Variants in CCDC146 observed in about 807,000 individuals in gnomAD.
The protein encoded by CCDC146 is coiled-coil domain-containing protein 146.
CCDC146 carries 92 observed loss-of-function variants against 119.3 expected under a neutral mutation model. That is an observed-to-expected ratio of 0.77 (90% confidence interval 0.65 to 0.92). CCDC146 has a LOEUF of 0.92. Among genes scored for constraint, CCDC146 ranks in the 40% least tolerant of loss-of-function variants. The pLI is 0.00. For synonymous variants in CCDC146, 372 were observed against 371.8 expected (o/e 1.00, Z -0.01); for missense variants, 1,000 against 1,103.0 (o/e 0.91, Z 1.32).
intron 2 of CCDC146, among the ~76,000 whole-genome samples, chr7:77,223,146 C>G (rs1792438069): frequency 6.6e-6 from 1 of 152,152 alleles, no homozygotes; most frequent in Non-Finnish European, 1.5e-5. Flanking sequence ...ACCATCTCCC[C>G]CCAGGATCCT....
chr7:77,229,385 C>T (rs1254465027), intron 2 of CCDC146, among the ~76,000 whole-genome samples: 2 of 152,214 alleles, frequency 1.3e-5, no homozygotes, highest in Non-Finnish European at 2.9e-5. Context: ...ATCAGTAAAT[C>T]TTTGCCTGTG....
chr7:77,294,605 A>C, intron 18 of CCDC146, 58 bp from the exon 19 acceptor site: 1 of 1,550,202 alleles, frequency 6.5e-7, no homozygotes, highest in Non-Finnish European at 8.9e-7. Context: ...GGACCTAAGG[A>C]TAAAGTGACT....
At chr7:77,133,083 ATTGC>A (rs1388606252) in intron 1 of CCDC146, among the ~76,000 whole-genome samples, 1 of 151,968 alleles carries the variant, frequency 6.6e-6, no homozygotes. Flanking sequence ...AGGCAGGAGA[ATTGC>A]TTCACCCCAG....
chr7:77,156,940 G>C (rs1346079390), intron 1 of CCDC146, among the ~76,000 whole-genome samples: 1 of 148,516 alleles, frequency 6.7e-6, no homozygotes, highest in Non-Finnish European at 1.5e-5. Context: ...CAGAATTGAA[G>C]GCACTTGTCA....
intron 2 of CCDC146, among the ~76,000 whole-genome samples, chr7:77,228,891 A>G (rs542378425): frequency 2.4e-4 from 37 of 152,308 alleles, no homozygotes; most frequent in South Asian, 1.2e-3. Context: ...GGTTTATTAC[A>G]TAGGTAAATG....
intron 11 of CCDC146, 86 bp from the exon 12 acceptor site, chr7:77,278,666 T>C: frequency 1.1e-6 from 1 of 942,706 alleles, no homozygotes; most frequent in Non-Finnish European, 1.6e-6. Context: ...GCTGGAGAAT[T>C]GTCTTTAATG....
At chr7:77,265,341 A>G (rs1434144355) in intron 9 of CCDC146, among the ~76,000 whole-genome samples, 1 of 152,250 alleles carries the variant, frequency 6.6e-6, no homozygotes, top group Non-Finnish European at 1.5e-5. Flanking sequence ...ACAATGGGAT[A>G]AAATGTATAA....
intron 4 of CCDC146, among the ~76,000 whole-genome samples, chr7:77,246,664 A>G (rs1792957090): frequency 6.6e-6 from 1 of 152,226 alleles, no homozygotes; most frequent in African/African-American, 2.4e-5. Context: ...TGAAAGTGAA[A>G]AATTGGAAGC....
chr7:77,243,359 G>T (rs1209370317), intron 4 of CCDC146, among the ~76,000 whole-genome samples: 1 of 152,190 alleles, frequency 6.6e-6, no homozygotes, highest in Non-Finnish European at 1.5e-5. Flanking sequence ...TATTCTTTTT[G>T]AATTTATAAT....
intron 2 of CCDC146, among the ~76,000 whole-genome samples, chr7:77,171,326 C>G (rs1185140843): frequency 6.6e-6 from 1 of 152,174 alleles, no homozygotes; most frequent in Non-Finnish European, 1.5e-5. Flanking sequence ...AAACACCCGA[C>G]AGCTGCTAAC....
chr7:77,291,431 G>A (rs1248166838), intron 17 of CCDC146, among the ~76,000 whole-genome samples: 1 of 151,368 alleles, frequency 6.6e-6, no homozygotes, highest in East Asian at 1.9e-4. Context: ...AAGTCTGGTC[G>A]CAGTGGCTCA....
chr7:77,286,725 C>T, intron 15 of CCDC146, 73 bp from the exon 16 acceptor site: 1 of 1,515,626 alleles, frequency 6.6e-7, no homozygotes. Context: ...ACTCTCAAGA[C>T]CCTAGGCAAT....
At chr7:77,223,687 T>G (rs1026736860) in intron 2 of CCDC146, among the ~76,000 whole-genome samples, 2 of 152,266 alleles carry the variant, frequency 1.3e-5, no homozygotes, top group African/African-American at 4.8e-5. Context: ...AAACATGAAT[T>G]CTTTTAACTG....
intron 4 of CCDC146, among the ~76,000 whole-genome samples, chr7:77,248,100 A>G (rs1792989246): frequency 1.3e-5 from 2 of 152,266 alleles, no homozygotes; most frequent in Admixed American, 1.3e-4. Context: ...ATTCAGTCAT[A>G]AAATGAAATC....
At chr7:77,171,895 T>G (rs1227663652) in intron 2 of CCDC146, among the ~76,000 whole-genome samples, 1 of 152,242 alleles carries the variant, frequency 6.6e-6, no homozygotes, top group East Asian at 1.9e-4. Flanking sequence ...CAACTTCTCA[T>G]GCATGTTGAT....
intron 2 of CCDC146, chr7:77,198,013 A>G (rs575721663): frequency 8.6e-5 from 36 of 418,082 alleles, no homozygotes; most frequent in Non-Finnish European, 1.1e-4. Flanking sequence ...AGAGCTCAGA[A>G]TATTCAGTTA....
At chr7:77,123,014 G>A (rs2539395) in intron 1 of CCDC146, among the ~76,000 whole-genome samples, 44,307 of 129,122 alleles carry the variant, frequency 0.34, 7,977 homozygotes, top group Middle Eastern at 0.47. Context: ...AAATGTAGAT[G>A]ATAATACCTT....
intron 1 of CCDC146, among the ~76,000 whole-genome samples, chr7:77,158,435 C>T (rs1791208011): frequency 6.6e-6 from 1 of 152,146 alleles, no homozygotes; most frequent in East Asian, 1.9e-4. Flanking sequence ...TTACAGCTGT[C>T]AATCATATTG....
At chr7:77,275,408 A>G (rs1008582737) in intron 11 of CCDC146, among the ~76,000 whole-genome samples, 12 of 152,260 alleles carry the variant, frequency 7.9e-5, no homozygotes, top group African/African-American at 2.7e-4. Context: ...ACTGAAAGAT[A>G]GTCCCAAGAT....
Sources: gnomAD v4.1 joint callset for allele counts (sites outside exome capture counted in the v4.1 genomes callset) on GRCh38, gnomAD v4.1.1 for gene constraint, MANE v1.5 for transcripts, NCBI Gene and HGNC (gene_info 2026-07-23, HGNC 2026-07-21) for gene names.